PDE4D: variants seen among roughly 807,000 people sequenced by gnomAD.
The protein encoded by PDE4D is phosphodiesterase 4D.
PDE4D carries 24 observed loss-of-function variants against 87.4 expected under a neutral mutation model. The ratio of observed to expected loss-of-function variants is 0.27; its 90% confidence interval spans 0.20 to 0.39. PDE4D has a LOEUF of 0.39. Ranked by LOEUF, PDE4D falls within the 10% of genes least tolerant of loss-of-function variation. The pLI, the probability that PDE4D is intolerant of heterozygous loss-of-function variation, is 1.00. For missense variants in PDE4D, 714 were observed against 1,041.0 expected (o/e 0.69, Z 4.32); for synonymous variants, 384 against 383.2 (o/e 1.00, Z -0.02).
chr5:59,841,788 C>T (rs528896983), intron 1 of PDE4D, among the ~76,000 whole-genome samples: 2 of 152,006 alleles, frequency 1.3e-5, no homozygotes, highest in African/African-American at 4.8e-5. Context: ...TAGAAGTTAA[C>T]CAGATTGGGG....
At chr5:59,067,406 A>G (rs1580622956) in intron 5 of PDE4D, among the ~76,000 whole-genome samples, 1 of 152,192 alleles carries the variant, frequency 6.6e-6, no homozygotes, top group East Asian at 1.9e-4. Context: ...GAAAATAGCC[A>G]TAGGTTTCTA....
chr5:60,042,312 TA>T (rs1289013931), intron 2 of PDE4D, among the ~76,000 whole-genome samples: 1 of 152,092 alleles, frequency 6.6e-6, no homozygotes, highest in Non-Finnish European at 1.5e-5. Context: ...GGCTTATAGA[TA>T]AAATTCCCAT....
At chr5:60,257,212 A>G (rs528125331) in intron 1 of PDE4D, among the ~76,000 whole-genome samples, 51 of 112,130 alleles carry the variant, frequency 4.5e-4, no homozygotes, top group Admixed American at 1.1e-3. Flanking sequence ...GAATGAATGA[A>G]AGAAAGAAAG....
At chr5:59,988,435 A>T in intron 3 of PDE4D, 1 of 1,215,306 alleles carries the variant, frequency 8.2e-7, no homozygotes, top group Non-Finnish European at 1.2e-6. Flanking sequence ...GACCACAGAC[A>T]ACAATCACCA....
chr5:60,251,005 G>A (rs1444314035), intron 1 of PDE4D, among the ~76,000 whole-genome samples: 1 of 151,798 alleles, frequency 6.6e-6, no homozygotes, highest in Non-Finnish European at 1.5e-5. Flanking sequence ...TTGTATCTTA[G>A]TTGTTAAGAA....
chr5:59,048,857 T>G (rs574742334), intron 5 of PDE4D, among the ~76,000 whole-genome samples: 1 of 152,338 alleles, frequency 6.6e-6, no homozygotes, highest in South Asian at 2.1e-4. Context: ...AATTCTCATC[T>G]GTGTATTTCT....
At chr5:59,356,773 A>G (rs1484403665) in intron 1 of PDE4D, 3 of 1,568,744 alleles carry the variant, frequency 1.9e-6, no homozygotes, top group Admixed American at 3.8e-5. Flanking sequence ...GGACTTTGAG[A>G]AACGCAATCT....
intron 1 of PDE4D, among the ~76,000 whole-genome samples, chr5:59,743,305 C>T (rs1310381620): frequency 6.6e-6 from 1 of 152,142 alleles, no homozygotes; most frequent in Non-Finnish European, 1.5e-5. Context: ...AGAGGAATGA[C>T]TGTTAAACCT....
At position 58,989,992 on chromosome 5, in the gene PDE4D, A is replaced by AG. The variant is rs1358058562; in HGVS notation, c.1288-74_1288-73insC. On this transcript the variant is annotated intron_variant, in intron 9 of 14. Coordinates refer to ENST00000340635, the MANE Select transcript of PDE4D (RefSeq NM_001104631.2). Reference sequence around the variant, plus strand: ...TTTCTCCATAGAGTATGTTTAAAAAAAAAAATCACACACCAGTGTTGCCAG... The same window carrying AG: ...TTTCTCCATAGAGTATGTTTAAAAAAGAAAAATCACACACCAGTGTTGCCAG... 6.1e-5 allele frequency: 56 copies of AG among 910,590 alleles called. No individual in the cohort carries two copies. In the Admixed American group the frequency reaches 9.1e-4, roughly 15 times the overall value. 56.4% of individuals were successfully genotyped at this position (910,590 alleles called of 1,614,324 possible).
At chr5:60,006,672 C>A (rs1490009123) in intron 2 of PDE4D, among the ~76,000 whole-genome samples, 1 of 151,978 alleles carries the variant, frequency 6.6e-6, no homozygotes, top group Admixed American at 6.6e-5. Flanking sequence ...TTATGTGGCA[C>A]TGCTCCATAA....
chr5:59,376,732 T>G (rs964944886), intron 1 of PDE4D, among the ~76,000 whole-genome samples: 1 of 152,066 alleles, frequency 6.6e-6, no homozygotes, highest in Non-Finnish European at 1.5e-5. Context: ...GCTAAGGCAA[T>G]CCTCAGCAAA....
intron 1 of PDE4D, among the ~76,000 whole-genome samples, chr5:60,413,119 C>G (rs1477740303): frequency 6.6e-6 from 1 of 152,158 alleles, no homozygotes; most frequent in African/African-American, 2.4e-5. Flanking sequence ...GCTGAGCTCA[C>G]AAGCACATAA....
At chr5:59,828,492 C>T (rs1208929026) in intron 1 of PDE4D, among the ~76,000 whole-genome samples, 1 of 151,924 alleles carries the variant, frequency 6.6e-6, no homozygotes, top group Non-Finnish European at 1.5e-5. Context: ...CCCTTATTTT[C>T]AGGAGGTATC....
chr5:60,169,408 A>G (rs1783211694), intron 2 of PDE4D, among the ~76,000 whole-genome samples: 1 of 152,120 alleles, frequency 6.6e-6, no homozygotes, highest in African/African-American at 2.4e-5. Flanking sequence ...TTTTCAAAAT[A>G]TCTTAAATGA....
At chr5:60,034,686 A>T (rs1767590337) in intron 2 of PDE4D, among the ~76,000 whole-genome samples, 1 of 152,200 alleles carries the variant, frequency 6.6e-6, no homozygotes, top group Non-Finnish European at 1.5e-5. Flanking sequence ...CATTATTCAG[A>T]CTACCACAGG....
chr5:60,019,155 C>T (rs925096976), intron 2 of PDE4D, among the ~76,000 whole-genome samples: 18 of 152,260 alleles, frequency 1.2e-4, no homozygotes, highest in Admixed American at 3.9e-4. Context: ...CACAGTCAAA[C>T]TGGAACTCAA....
intron 2 of PDE4D, among the ~76,000 whole-genome samples, chr5:60,157,597 CA>C (rs1239760719): frequency 1.3e-5 from 2 of 152,248 alleles, no homozygotes; most frequent in East Asian, 3.9e-4. Context: ...TTCATTTCCT[CA>C]ACCAATTCAT....
intron 1 of PDE4D, among the ~76,000 whole-genome samples, chr5:59,823,008 T>A (rs1769883872): frequency 6.6e-6 from 1 of 152,230 alleles, no homozygotes; most frequent in Non-Finnish European, 1.5e-5. Context: ...GTTTACAGAA[T>A]GGACAGCCAT....
At chr5:59,237,084 A>G (rs765740181) in intron 1 of PDE4D, among the ~76,000 whole-genome samples, 5 of 152,068 alleles carry the variant, frequency 3.3e-5, no homozygotes, top group Non-Finnish European at 7.4e-5. Flanking sequence ...GAAGTTTTAG[A>G]CCCAACCAAT....
Sources: allele counts gnomAD v4.1 joint callset (sites outside exome capture counted in the v4.1 genomes callset), GRCh38; gene constraint gnomAD v4.1.1; transcripts MANE v1.5; gene names NCBI Gene and HGNC (gene_info 2026-07-23, HGNC 2026-07-21).